The following GPC6 variants were observed in gnomAD, a reference collection of about 807,000 sequenced individuals.
GPC6 encodes glypican 6, also known as glypican-6.
GPC6 carries 14 observed loss-of-function variants against 55.2 expected under a neutral mutation model. The ratio of observed to expected loss-of-function variants is 0.25; its 90% confidence interval spans 0.17 to 0.40. The LOEUF is 0.40. Ranked by LOEUF, GPC6 falls within the 10% of genes least tolerant of loss-of-function variation. The pLI is 1.00. For missense variants in GPC6, 641 were observed against 708.5 expected (o/e 0.90, Z 1.08); for synonymous variants, 278 against 259.6 (o/e 1.07, Z -0.68).
chr13:93,830,056 T>G, intron 2 of GPC6, 98 bp from the exon 3 acceptor site: 1 of 790,296 alleles, frequency 1.3e-6, no homozygotes, highest in Non-Finnish European at 2.0e-6. Flanking sequence ...TGTTTTTCCA[T>G]GAAAATGTCA....
At chr13:93,294,509 G>A (rs1878418849) in intron 1 of GPC6, among the ~76,000 whole-genome samples, 1 of 151,562 alleles carries the variant, frequency 6.6e-6, no homozygotes, top group Non-Finnish European at 1.5e-5. Flanking sequence ...TAGTTGATTT[G>A]GTGCCTGTGT....
rs371521207 is a variant in GPC6, at chr13:93,530,460, T to C, written c.161-14803T>C. On this transcript the variant is annotated intron_variant, in intron 1 of 8. Coordinates refer to ENST00000377047, the MANE Select transcript of GPC6 (RefSeq NM_005708.5). Reference sequence around the variant, plus strand: ...AATAGGTTTTTGACCTGCAGATCTATGTGGGTAGTGGAAATGCGGACTCTC... The same window carrying C: ...AATAGGTTTTTGACCTGCAGATCTACGTGGGTAGTGGAAATGCGGACTCTC... Among the ~76,000 whole-genome samples the C allele has an allele frequency of 1.6e-4, 25 of 152,156 alleles. 1 individual carries two copies. The highest frequency in any genetic ancestry group is 5.5e-4 in the African/African-American group (23 of 41,444).
chr13:94,083,261 G>A (rs562786419), intron 4 of GPC6, among the ~76,000 whole-genome samples: 2 of 152,170 alleles, frequency 1.3e-5, no homozygotes, highest in South Asian at 2.1e-4. Flanking sequence ...TGGGACTACA[G>A]GCGCCCGCCA....
In GPC6 at chr13:94,006,684, T is replaced by A. The variant is rs187247745; in HGVS notation, c.712-21045T>A. 3.1e-3 allele frequency among the ~76,000 whole-genome samples: 473 copies of A among 152,254 alleles called. 1 individual carries two copies. The highest frequency in any genetic ancestry group is 8.9e-3 in the South Asian group (43 of 4,832). The stretch of plus-strand genomic sequence containing the variant: ...CATTGAAATGGGTCAAACCACCTAG[T>A]TTTATTTTCTAGGCGCCACCAACTA... On this transcript the variant is annotated intron_variant, in intron 3 of 8. Coordinates refer to ENST00000377047, the MANE Select transcript of GPC6 (RefSeq NM_005708.5).
chr13:94,288,930 T>TAA (rs1566638339), intron 5 of GPC6, among the ~76,000 whole-genome samples: 1 of 108,214 alleles, frequency 9.2e-6, no homozygotes, highest in Non-Finnish European at 1.7e-5. Flanking sequence ...ATATAACAAA[T>TAA]ATAGATAGAT....
intron 1 of GPC6, among the ~76,000 whole-genome samples, chr13:93,340,442 A>T (rs1266633904): frequency 2.6e-5 from 4 of 152,238 alleles, no homozygotes; most frequent in African/African-American, 9.6e-5. Flanking sequence ...ATTTTAACTG[A>T]GAAACACAGA....
chr13:93,619,500 T>TG (rs1878864316), intron 2 of GPC6, among the ~76,000 whole-genome samples: 1 of 152,162 alleles, frequency 6.6e-6, no homozygotes, highest in South Asian at 2.1e-4. Context: ...TCACCCAGGA[T>TG]AGAGTTCAGT....
At chr13:93,987,334 G>T (rs1881076544) in intron 3 of GPC6, among the ~76,000 whole-genome samples, 1 of 152,056 alleles carries the variant, frequency 6.6e-6, no homozygotes, top group African/African-American at 2.4e-5. Context: ...GCATGTATTT[G>T]TTTGCCAGAT....
intron 2 of GPC6, among the ~76,000 whole-genome samples, chr13:93,556,487 T>C (rs1176800718): frequency 6.7e-6 from 1 of 149,224 alleles, no homozygotes; most frequent in South Asian, 2.1e-4. Context: ...AATAAGCACA[T>C]CATGGAGAAT....
chr13:94,030,982 A>G (rs948873729), intron 4 of GPC6, among the ~76,000 whole-genome samples: 3 of 152,084 alleles, frequency 2.0e-5, no homozygotes, highest in Admixed American at 6.6e-5. Context: ...TGGTATTCCA[A>G]CCACTACTGA....
intron 2 of GPC6, among the ~76,000 whole-genome samples, chr13:93,806,248 G>A (rs968263749): frequency 6.6e-6 from 1 of 152,124 alleles, no homozygotes; most frequent in Non-Finnish European, 1.5e-5. Context: ...TATGTTCATG[G>A]GCCTCTGTTC....
chr13:93,436,458 G>A (rs181433171), intron 1 of GPC6, among the ~76,000 whole-genome samples: 29 of 152,086 alleles, frequency 1.9e-4, no homozygotes, highest in African/African-American at 6.5e-4. Context: ...TTTTTTATAC[G>A]GATGGTTAAA....
Position 93,964,069 on chromosome 13 carries a change from C to T in GPC6, c.712-63660C>T, listed in dbSNP as rs116174605. ...CCACCTCCCCCCACTCATGTATTAC[C>T]AAAGAAACAATGCTTGTAACTGATC... On this transcript the variant is annotated intron_variant, in intron 3 of 8. Coordinates refer to ENST00000377047, the MANE Select transcript of GPC6 (RefSeq NM_005708.5). Among the ~76,000 whole-genome samples the T allele has an allele frequency of 6.8e-3, 1,034 of 152,130 alleles. 9 individuals are homozygous for T. The highest frequency in any genetic ancestry group is 0.021 in the African/African-American group (874 of 41,488).
intron 1 of GPC6, among the ~76,000 whole-genome samples, chr13:93,325,795 G>T (rs1318510953): frequency 1.3e-5 from 2 of 152,092 alleles, no homozygotes; most frequent in Non-Finnish European, 2.9e-5. Flanking sequence ...TTGTGTTGTA[G>T]ATGTATCCAT....
chr13:93,753,455 T>G (rs1158540487), intron 2 of GPC6, among the ~76,000 whole-genome samples: 3 of 152,184 alleles, frequency 2.0e-5, no homozygotes, highest in African/African-American at 7.2e-5. Context: ...TTTTAATTTT[T>G]ATGGGTACAT....
intron 1 of GPC6, among the ~76,000 whole-genome samples, chr13:93,271,383 T>C (rs1229697461): frequency 6.6e-6 from 1 of 152,056 alleles, no homozygotes; most frequent in Non-Finnish European, 1.5e-5. Context: ...TGGAAAACAC[T>C]GAAGAAAAAC....
At chr13:93,773,154 C>A (rs979123639) in intron 2 of GPC6, among the ~76,000 whole-genome samples, 1 of 152,012 alleles carries the variant, frequency 6.6e-6, no homozygotes, top group South Asian at 2.1e-4. Context: ...AAAGAAAAAG[C>A]AAAATGCCAC....
In GPC6 at chr13:93,494,476, C is replaced by G. The variant is rs1306298476; in HGVS notation, c.161-50787C>G. ...CACTGATGGGTCTTGACTTTTTATCCAGCTTGCCAGTCTGTGTCTTTTAAT... is the reference window on the plus strand; with the variant it reads ...CACTGATGGGTCTTGACTTTTTATCGAGCTTGCCAGTCTGTGTCTTTTAAT... On this transcript the variant is annotated intron_variant, in intron 1 of 8. Transcript: ENST00000377047. Among the ~76,000 whole-genome samples the G allele has an allele frequency of 2.8e-4, 42 of 152,186 alleles. No individual in the cohort carries two copies. In the East Asian group the frequency reaches 8.1e-3, roughly 29 times the overall value.
At chr13:94,302,828 G>C (rs987591906) in intron 5 of GPC6, among the ~76,000 whole-genome samples, 2 of 152,188 alleles carry the variant, frequency 1.3e-5, no homozygotes, top group Non-Finnish European at 2.9e-5. Flanking sequence ...AGATTCCAAG[G>C]AATGGAATCT....
Sources: allele counts gnomAD v4.1 joint callset (sites outside exome capture counted in the v4.1 genomes callset), GRCh38; gene constraint gnomAD v4.1.1; transcripts MANE v1.5; gene names NCBI Gene and HGNC (gene_info 2026-07-23, HGNC 2026-07-21).